Variants in IL1RAPL1 observed in about 807,000 individuals in gnomAD.
IL1RAPL1 encodes interleukin 1 receptor accessory protein like 1.
A neutral mutation model predicts 48.4 loss-of-function variants in IL1RAPL1; 3 were observed. The ratio of observed to expected loss-of-function variants is 0.06; its 90% CI spans 0.03 to 0.16. IL1RAPL1 has a LOEUF of 0.16. Ranked by LOEUF, IL1RAPL1 falls within the 10% of genes least tolerant of loss-of-function variation. The pLI is 1.00. For synonymous variants in IL1RAPL1, 185 were observed against 187.7 expected (o/e 0.99, Z 0.12); for missense variants, 349 against 530.6 (o/e 0.66, Z 3.36).
chrX:29,496,901 T>G (rs1029627015), intron 5 of IL1RAPL1, among the ~76,000 whole-genome samples: 6 of 111,996 alleles, frequency 5.4e-5, no homozygotes, highest in Non-Finnish European at 9.4e-5. Context: ...TCTCTTAACT[T>G]CTCAGTGATT....
At chrX:28,853,732 C>T (rs1407316652) in intron 2 of IL1RAPL1, among the ~76,000 whole-genome samples, 1 of 111,725 alleles carries the variant, frequency 9.0e-6, no homozygotes, top group East Asian at 2.8e-4. Context: ...CACTTATCAA[C>T]TACCTACAGA....
At chrX:29,770,779 A>T (rs939591929) in intron 6 of IL1RAPL1, among the ~76,000 whole-genome samples, 1 of 112,489 alleles carries the variant, frequency 8.9e-6, no homozygotes, top group African/African-American at 3.2e-5. Context: ...ATGCTATAGT[A>T]ATTTTTATGC....
rs749934867 is a variant in IL1RAPL1, at chrX:29,467,522, A to AGCACG, written c.703+68214_703+68215insGCACG. On this transcript the variant is annotated intron_variant, in intron 5 of 10. Coordinates refer to ENST00000378993, the MANE Select transcript of IL1RAPL1 (RefSeq NM_014271.4). ...AAACCCCTTGAGGGAGGGGGAGCAC[A>AGCACG]CAGGTGAGCGGATGTGGGAGAGCCA... Among the ~76,000 whole-genome samples, 519 of 112,638 alleles carry AGCACG rather than the reference A, an allele frequency of 4.6e-3. 3 individuals carry two copies. Among genetic ancestry groups the AGCACG allele is most frequent in the African/African-American group, 0.016 (501 of 31,009 alleles).
intron 1 of IL1RAPL1, among the ~76,000 whole-genome samples, chrX:28,608,075 C>T (rs1282943565): frequency 8.9e-6 from 1 of 111,738 alleles, no homozygotes; most frequent in Non-Finnish European, 1.9e-5. Context: ...TGCTATGAAC[C>T]TGTCAAGACT....
intron 2 of IL1RAPL1, among the ~76,000 whole-genome samples, chrX:29,076,136 T>C (rs778337943): frequency 8.9e-6 from 1 of 112,133 alleles, no homozygotes; most frequent in Admixed American, 9.5e-5. Context: ...AAAGGTGTTA[T>C]TCTTTCTTTC....
intron 6 of IL1RAPL1, among the ~76,000 whole-genome samples, chrX:29,686,297 G>A (rs561097204): frequency 9.0e-6 from 1 of 110,502 alleles, no homozygotes; most frequent in East Asian, 2.8e-4. Context: ...TAATATTATA[G>A]ATTATTTTCA....
chrX:29,213,398 A>G (rs1311239454), intron 2 of IL1RAPL1, among the ~76,000 whole-genome samples: 1 of 112,595 alleles, frequency 8.9e-6, no homozygotes, highest in Non-Finnish European at 1.9e-5. Context: ...GAAAATCAGC[A>G]CTTTCTACCC....
At chrX:29,069,634 C>CACAG (rs1927521731) in intron 2 of IL1RAPL1, among the ~76,000 whole-genome samples, 1 of 100,170 alleles carries the variant, frequency 1.0e-5, no homozygotes, top group African/African-American at 4.1e-5. Flanking sequence ...ATAGAACACA[C>CACAG]ACACACACAC....
chrX:29,516,631 ATATTT>A (rs1350719743), intron 5 of IL1RAPL1, among the ~76,000 whole-genome samples: 1 of 111,407 alleles, frequency 9.0e-6, no homozygotes, highest in Non-Finnish European at 1.9e-5. Flanking sequence ...TTGCTATATA[ATATTT>A]TATTGTATGA....
chrX:28,842,765 T>C (rs1045284182), intron 2 of IL1RAPL1, among the ~76,000 whole-genome samples: 3 of 111,743 alleles, frequency 2.7e-5, no homozygotes, highest in Non-Finnish European at 5.7e-5. Flanking sequence ...TATTTGGTGG[T>C]AATGAAGATT....
chrX:28,654,827 C>T (rs1934731769), intron 1 of IL1RAPL1, among the ~76,000 whole-genome samples: 1 of 111,873 alleles, frequency 8.9e-6, no homozygotes, highest in East Asian at 2.8e-4. Context: ...GGGAAATTTG[C>T]TCAAATACTT....
At chrX:29,437,714 G>A (rs931926033) in intron 5 of IL1RAPL1, among the ~76,000 whole-genome samples, 2 of 109,655 alleles carry the variant, frequency 1.8e-5, no homozygotes, top group African/African-American at 6.6e-5. Context: ...TGTTAATATG[G>A]TGGATTACAC....
chrX:29,829,799 A>G (rs1930832028), intron 6 of IL1RAPL1, among the ~76,000 whole-genome samples: 2 of 112,213 alleles, frequency 1.8e-5, no homozygotes, highest in African/African-American at 3.2e-5. Flanking sequence ...GATAGTGTCT[A>G]CTGCTTAATC....
intron 5 of IL1RAPL1, among the ~76,000 whole-genome samples, chrX:29,457,727 A>G (rs950286671): frequency 2.7e-5 from 3 of 111,962 alleles, no homozygotes; most frequent in Non-Finnish European, 5.6e-5. Flanking sequence ...TATATTTAGT[A>G]ATGGGATTAC....
intron 2 of IL1RAPL1, among the ~76,000 whole-genome samples, chrX:28,818,415 T>G (rs895439639): frequency 3.6e-5 from 4 of 111,058 alleles, no homozygotes; most frequent in African/African-American, 1.3e-4. Context: ...ATATCAAATG[T>G]AAGTACTCTA....
chrX:29,115,495 T>A (rs963130754), intron 2 of IL1RAPL1, among the ~76,000 whole-genome samples: 28 of 111,451 alleles, frequency 2.5e-4, no homozygotes, highest in Admixed American at 1.4e-3. Context: ...GACCTTTTTA[T>A]TGTTATGTAG....
At chrX:28,951,783 G>T (rs1352403784) in intron 2 of IL1RAPL1, among the ~76,000 whole-genome samples, 1 of 111,984 alleles carries the variant, frequency 8.9e-6, no homozygotes, top group East Asian at 2.8e-4. Context: ...TGGAGCATCT[G>T]AGCTTCCTGA....
intron 6 of IL1RAPL1, among the ~76,000 whole-genome samples, chrX:29,706,651 G>C (rs1927205454): frequency 8.9e-6 from 1 of 111,749 alleles, no homozygotes; most frequent in African/African-American, 3.3e-5. Context: ...CAAATACTTA[G>C]AGCCAACTGA....
At chrX:28,889,319 GAATA>G (rs1922717928) in intron 2 of IL1RAPL1, among the ~76,000 whole-genome samples, 1 of 111,276 alleles carries the variant, frequency 9.0e-6, no homozygotes, top group African/African-American at 3.3e-5. Context: ...ATTCAAATGA[GAATA>G]TATATTGAAG....
Sources: gnomAD v4.1 joint callset for allele counts (sites outside exome capture counted in the v4.1 genomes callset) on GRCh38, gnomAD v4.1.1 for gene constraint, MANE v1.5 for transcripts, NCBI Gene and HGNC (gene_info 2026-07-23, HGNC 2026-07-21) for gene names.